The following PDZD2 variants were observed in gnomAD, a reference collection of about 807,000 sequenced individuals.
PDZD2 encodes the protein PDZ domain-containing protein 2.
A neutral mutation model predicts 220.7 loss-of-function variants in PDZD2; 90 were observed. The observed-to-expected ratio is 0.41, with a 90% CI of 0.34 to 0.49. PDZD2 has a LOEUF of 0.49. Among genes scored for constraint, PDZD2 ranks in the 20% least tolerant of loss-of-function variants. PDZD2 has a pLI of 0.28. For synonymous variants in PDZD2, 1,375 were observed against 1,450.5 expected (o/e 0.95, Z 1.18); for missense variants, 3,174 against 3,608.5 (o/e 0.88, Z 3.08).
intron 23 of PDZD2, 128 bp from the exon 24 acceptor site, chr5:32,100,977 C>G (rs1342006698): frequency 3.7e-6 from 6 of 1,600,054 alleles, no homozygotes; most frequent in Non-Finnish European, 5.1e-6. Flanking sequence ...AGTAAGTGCC[C>G]CAGGGTAGAT....
intron 17 of PDZD2, among the ~76,000 whole-genome samples, 161 bp downstream of exon 17, chr5:32,072,478 C>T (rs1740849830): frequency 6.6e-6 from 1 of 152,196 alleles, no homozygotes. Flanking sequence ...CGCCTGTAAT[C>T]CTAGCACTTG....
Position 32,109,815 on chromosome 5 carries a change from A to C in PDZD2, c.*1680A>C, listed in dbSNP as rs955244803. ...AGCTTTGTACATCATCATTTTTCTG[A>C]ATGACCAATCCCACTAAACATCTTT... On this transcript the variant is annotated 3_prime_UTR_variant, in exon 25 of 25. Transcript: ENST00000438447. 1.3e-5 allele frequency: 2 copies of C among 152,630 alleles called. No individual in the cohort carries two copies. The highest frequency in any genetic ancestry group is 4.8e-5 in the African/African-American group (2 of 41,434). 9.5% of individuals were successfully genotyped at this position (152,630 alleles called of 1,614,324 possible).
rs143339364 is a variant in PDZD2, at chr5:31,985,777, T to G, written c.978+2121T>G. On this transcript the variant is annotated intron_variant, in intron 3 of 24. Transcript: ENST00000438447. ...CGTAATAATACTATTAATAATAAAT[T>G]TAATTAAAATTGAACTTCTGGCCGG... Among the ~76,000 whole-genome samples the G allele has an allele frequency of 1.2e-3, 187 of 151,690 alleles. 1 individual carries two copies. Among genetic ancestry groups the G allele is most frequent in the African/African-American group, 4.3e-3 (178 of 41,370 alleles).
At chr5:31,992,656 AG>A (rs748221828) in intron 3 of PDZD2, among the ~76,000 whole-genome samples, 19 of 152,250 alleles carry the variant, frequency 1.2e-4, no homozygotes, top group South Asian at 2.1e-4. Context: ...GGGGATGGAT[AG>A]GTTTTTACTA....
chr5:31,798,957 ATGGGTCCTGCTG>A lies in PDZD2; in HGVS notation c.-289_-278del. ...GATCCTCCATTCCTGTGTCATTTGC[ATGGGTCCTGCTG>A]TGAAATGAACCTGGCAGGGACTTGT... On this transcript the variant is annotated 5_prime_UTR_variant, in exon 2 of 25. The change creates a premature stop within an existing upstream ORF in the 5' untranslated region. Coordinates refer to ENST00000438447, the MANE Select transcript of PDZD2 (RefSeq NM_178140.4). 1 of 429,764 alleles carries A rather than the reference ATGGGTCCTGCTG, an allele frequency of 2.3e-6. No individual in the cohort carries two copies. Among genetic ancestry groups the A allele is most frequent in the Non-Finnish European group, 4.2e-6 (1 of 240,024 alleles). 26.6% of individuals were successfully genotyped at this position (429,764 alleles called of 1,614,324 possible).
chr5:31,719,260 A>G (rs1004092186), intron 1 of PDZD2, among the ~76,000 whole-genome samples: 1 of 152,192 alleles, frequency 6.6e-6, no homozygotes, highest in African/African-American at 2.4e-5. Flanking sequence ...ATGATCTAGG[A>G]GCAACTTTAC....
At chr5:31,659,455 C>T (rs2150111023) in intron 1 of PDZD2, among the ~76,000 whole-genome samples, 1 of 152,144 alleles carries the variant, frequency 6.6e-6, no homozygotes, top group South Asian at 2.1e-4. Context: ...GTAACAATGT[C>T]CCAAGCCAAG....
intron 1 of PDZD2, among the ~76,000 whole-genome samples, chr5:31,643,250 C>A (rs1745014977): frequency 6.6e-6 from 1 of 152,166 alleles, no homozygotes; most frequent in African/African-American, 2.4e-5. Flanking sequence ...AGCAGACTTG[C>A]CTGAAGCTTT....
chr5:32,055,569 T>C (rs1739018268), intron 10 of PDZD2, among the ~76,000 whole-genome samples: 1 of 152,172 alleles, frequency 6.6e-6, no homozygotes, highest in Admixed American at 6.6e-5. Flanking sequence ...ATATACTTCC[T>C]TCTTGAAATA....
intron 1 of PDZD2, among the ~76,000 whole-genome samples, chr5:31,772,142 G>A (rs976607069): frequency 5.3e-5 from 8 of 152,034 alleles, no homozygotes; most frequent in South Asian, 2.1e-4. Context: ...TAACTTCCTC[G>A]TAGTTTGAGT....
intron 2 of PDZD2, among the ~76,000 whole-genome samples, chr5:31,867,874 G>A (rs1159588151): frequency 7.1e-6 from 1 of 140,822 alleles, no homozygotes; most frequent in East Asian, 2.4e-4. Context: ...GGAAAGGAAG[G>A]CAGCAGGTGT....
chr5:31,943,393 T>C (rs1746375450), intron 2 of PDZD2, among the ~76,000 whole-genome samples: 1 of 152,124 alleles, frequency 6.6e-6, no homozygotes, highest in Admixed American at 6.5e-5. Flanking sequence ...GGGGGAACCG[T>C]TCAGAACTCA....
intron 1 of PDZD2, among the ~76,000 whole-genome samples, chr5:31,752,085 T>TTTTTTTTTTTTTTTTTTTTTTG: frequency 7.4e-6 from 1 of 135,064 alleles, no homozygotes; most frequent in Non-Finnish European, 1.6e-5. Context: ...TTTTTTTTTT[T>TTTTTTTTTTTTTTTTTTTTTTG]TTTTTCTGAG....
chr5:31,867,347 T>C (rs1738319977), intron 2 of PDZD2, among the ~76,000 whole-genome samples: 1 of 152,148 alleles, frequency 6.6e-6, no homozygotes, highest in Non-Finnish European at 1.5e-5. Flanking sequence ...ACCTTTAAAC[T>C]TCAGAGCAGC....
At chr5:31,856,868 G>A (rs558439734) in intron 2 of PDZD2, among the ~76,000 whole-genome samples, 4 of 150,546 alleles carry the variant, frequency 2.7e-5, no homozygotes, top group South Asian at 2.1e-4. Context: ...TTTTCATTCC[G>A]GAATCAGACT....
At chr5:31,930,517 A>T (rs1001434619) in intron 2 of PDZD2, among the ~76,000 whole-genome samples, 1 of 152,032 alleles carries the variant, frequency 6.6e-6, no homozygotes, top group East Asian at 1.9e-4. Context: ...CCCTATAGTG[A>T]CACAAAAGCC....
chr5:32,002,907 A>C (rs1056402112), intron 5 of PDZD2, among the ~76,000 whole-genome samples: 33 of 56,930 alleles, frequency 5.8e-4, no homozygotes, highest in African/African-American at 2.1e-3. Flanking sequence ...ACACACCCCC[A>C]CCACACACAC....
intron 2 of PDZD2, among the ~76,000 whole-genome samples, chr5:31,874,437 T>G (rs887997032): frequency 1.3e-5 from 2 of 152,188 alleles, no homozygotes; most frequent in Admixed American, 1.3e-4. Flanking sequence ...ATTTAACATA[T>G]GCATTTTTAG....
rs558701089 is a variant in PDZD2, at chr5:31,873,020, G to A, written c.476+73296G>A. Among the ~76,000 whole-genome samples, 9 of 152,208 alleles carry A rather than the reference G, an allele frequency of 5.9e-5. No individual in the cohort carries two copies. The South Asian group carries it at 8.3e-4, about 14-fold the overall frequency. On this transcript the variant is annotated intron_variant, in intron 2 of 24. Transcript: ENST00000438447. ...ATCTAGTTTTGTGTAAGTACACTGC[G>A]TGATTTTTACACAATGACAATTACT...
Sources: allele counts gnomAD v4.1 joint callset (sites outside exome capture counted in the v4.1 genomes callset), GRCh38; gene constraint gnomAD v4.1.1; transcripts MANE v1.5; gene names NCBI Gene and HGNC (gene_info 2026-07-23, HGNC 2026-07-21).